SYT3: variants seen among roughly 807,000 people sequenced by gnomAD.
SYT3 encodes synaptotagmin-3.
SYT3 carries 25 observed loss-of-function variants against 50.6 expected under a neutral mutation model. The observed-to-expected ratio is 0.49, with a 90% CI of 0.36 to 0.69. SYT3 has a LOEUF of 0.69. Among genes scored for constraint, SYT3 ranks in the 30% least tolerant of loss-of-function variants. The probability of loss-of-function intolerance (pLI) is 0.00; values close to 1 mark genes in which losing one functional copy is unlikely to be tolerated. For synonymous variants in SYT3, 323 were observed against 353.9 expected (o/e 0.91, Z 0.98); for missense variants, 589 against 793.6 (o/e 0.74, Z 3.10).
chr19:50,655,927 C>G, the SYT3 span: 1 of 927,532 alleles, frequency 1.1e-6, no homozygotes, highest in Non-Finnish European at 1.7e-6. Context: ...GAGACAGTAA[C>G]TCAACATCTG....
At chr19:50,656,103 G>A in the SYT3 span, 1 of 1,536,100 alleles carries the variant, frequency 6.5e-7, no homozygotes, top group African/African-American at 1.4e-5. Context: ...TCGGAGCCTG[G>A]GCAGGCCCAT....
intron 6 of SYT3, among the ~76,000 whole-genome samples, chr19:50,626,851 CAGAG>C (rs1039226898): frequency 1.3e-5 from 2 of 151,630 alleles, no homozygotes; most frequent in African/African-American, 2.4e-5. Context: ...CATAAAGACC[CAGAG>C]AGAGTGATAG....
the SYT3 span, among the ~76,000 whole-genome samples, chr19:50,651,473 G>A: frequency 6.6e-6 from 1 of 152,096 alleles, no homozygotes; most frequent in Non-Finnish European, 1.5e-5. Flanking sequence ...AACACACATT[G>A]CCCTTTATCT....
intron 9 of SYT3, among the ~76,000 whole-genome samples, chr19:50,623,568 G>T (rs1188265893): frequency 4.8e-4 from 1 of 2,068 alleles, no homozygotes; most frequent in African/African-American, 3.3e-3. Flanking sequence ...ACTTGAGGTG[G>T]GAAGTTGAGA....
chr19:50,648,367 C>A, the SYT3 span, among the ~76,000 whole-genome samples: 4 of 152,084 alleles, frequency 2.6e-5, no homozygotes, highest in Non-Finnish European at 5.9e-5. Context: ...TAAGCAGGAA[C>A]AACAGACAGT....
chr19:50,632,445 G>T lies in SYT3; in HGVS notation c.515C>A (p.Ala172Glu). 6.2e-7 allele frequency: 1 copy of T among 1,613,372 alleles called. No homozygotes were observed. The highest frequency in any genetic ancestry group is 2.2e-5 in the East Asian group (1 of 44,868). The change falls in exon 4 of 11, where the codon GCA (alanine) becomes GAA (glutamate). Residue 172 changes from alanine (A) to glutamate (E), a missense_variant. By Grantham distance (107) the Ala-to-Glu change is moderately radical. Around this residue, in one of 2 missense-constraint regions of SYT3, gnomAD observed 316 missense variants for 354.3 expected, o/e 0.89. Coordinates refer to ENST00000600079, the MANE Select transcript of SYT3 (RefSeq NM_001160329.2). The surrounding 1 kb of genome is among the most constrained non-coding windows in gnomAD (Gnocchi z 4.7). ...TTTGACCCCAGCGGCCACTGCTGCTGCTGCAGCCTCTGGATACGAGTCCAT... is the reference window on the plus strand; with the variant it reads ...TTTGACCCCAGCGGCCACTGCTGCTTCTGCAGCCTCTGGATACGAGTCCAT... Reference protein sequence around the residue: ...LDMDSYPEAAAAAVAAGVKPS... With the variant: ...LDMDSYPEAAEAAVAAGVKPS...
chr19:50,655,944 A>G, the SYT3 span: 3 of 1,058,620 alleles, frequency 2.8e-6, no homozygotes, highest in Non-Finnish European at 4.2e-6. Flanking sequence ...TCTGGCATAC[A>G]AGCTATTCTG....
the SYT3 span, chr19:50,649,542 G>C: frequency 3.3e-6 from 5 of 1,531,640 alleles, no homozygotes; most frequent in African/African-American, 1.4e-5. Context: ...GGGAAGGGGT[G>C]GACTTCCTCC....
the SYT3 span, among the ~76,000 whole-genome samples, chr19:50,651,694 C>T: frequency 6.6e-6 from 1 of 150,956 alleles, no homozygotes; most frequent in South Asian, 2.1e-4. Context: ...CACAGTGAGA[C>T]TCTGTCACCA....
At chr19:50,654,914 C>T in the SYT3 span, among the ~76,000 whole-genome samples, 1 of 152,132 alleles carries the variant, frequency 6.6e-6, no homozygotes, top group Non-Finnish European at 1.5e-5. Flanking sequence ...GACATCTTGG[C>T]TTGGTGAGAA....
At chr19:50,645,145 G>A in the SYT3 span, among the ~76,000 whole-genome samples, 2 of 152,226 alleles carry the variant, frequency 1.3e-5, no homozygotes, top group Non-Finnish European at 2.9e-5. Context: ...CTTTTGGCCA[G>A]GGCTATGGCC....
chr19:50,647,929 G>C, the SYT3 span, among the ~76,000 whole-genome samples: 50 of 152,216 alleles, frequency 3.3e-4, no homozygotes, highest in Admixed American at 2.4e-3. Context: ...GCCAGGAGGG[G>C]GTCAGGGCCC....
chr19:50,628,129 T>C (rs1258611685), intron 6 of SYT3, among the ~76,000 whole-genome samples: 3 of 152,234 alleles, frequency 2.0e-5, no homozygotes, highest in Non-Finnish European at 4.4e-5. Context: ...TGAGGAGGTC[T>C]AGTCCTCTCC....
chr19:50,625,529 G>A lies in SYT3; in HGVS notation c.1438C>T (p.Arg480Trp), dbSNP rs755801316. The A allele has an allele frequency of 5.6e-6, 9 of 1,604,744 alleles. No homozygotes were observed. Among genetic ancestry groups the A allele is most frequent in the South Asian group, 3.3e-5 (3 of 89,720 alleles). ...GAGGTTTTCCGCTTCTTCAGACGCC[G>A]CCCCTCGCTGATCAGGGAGGCCTTC... is the stretch of plus-strand genomic sequence containing the variant. ...YVKASLISEG[R>W]RLKKRKTSIK... Residue 480 changes from arginine (R) to tryptophan (W), a missense_variant, in exon 8 of 11, where the codon CGG (arginine) becomes TGG (tryptophan). This residue lies in a region of SYT3 where 273 missense variants were observed against 439.3 expected (regional missense o/e 0.62). Coordinates refer to ENST00000600079, the MANE Select transcript of SYT3 (RefSeq NM_001160329.2). The surrounding 1 kb of genome is among the most constrained non-coding windows in gnomAD (Gnocchi z 7.5).
rs7260283 is a variant in SYT3 at position 50,625,807 on chromosome 19, A to C, written c.1402+90T>G. 10 of 165,024 alleles carry C rather than the reference A, an allele frequency of 6.1e-5. 2 individuals are homozygous for C. Among genetic ancestry groups the C allele is most frequent in the Non-Finnish European group, 9.3e-5 (7 of 74,958 alleles). 10.2% of individuals were successfully genotyped at this position (165,024 alleles called of 1,614,324 possible). ...CCAGATCCCCAGCTCCTCCTCCCTC[A>C]GACCCAGGAGTCCAGGCCCCTGGCC... On this transcript the variant is annotated intron_variant, in intron 7 of 10. Transcript: ENST00000600079. This position sits in a 1 kb window ranked among gnomAD's most constrained non-coding sequence, Gnocchi z 7.5.
upstream of SYT3, among the ~76,000 whole-genome samples, chr19:50,644,147 A>G (rs764608502): frequency 1.3e-5 from 2 of 152,244 alleles, no homozygotes; most frequent in Non-Finnish European, 2.9e-5. Context: ...TAGGCACTCA[A>G]TACTTATTGG....
upstream of SYT3, among the ~76,000 whole-genome samples, chr19:50,644,041 C>A (rs1287130835): frequency 6.6e-6 from 1 of 152,176 alleles, no homozygotes; most frequent in Non-Finnish European, 1.5e-5. Flanking sequence ...GAGTTTGGCA[C>A]CTTGAGGGCT....
In SYT3 at chr19:50,632,641, C is replaced by T. The variant is rs1347967152; in HGVS notation, c.319G>A (p.Ala107Thr). The change falls in exon 4 of 11, where the codon GCA (alanine) becomes ACA (threonine). Residue 107 changes from alanine (A) to threonine (T), a missense_variant. Physicochemically the swap from Ala to Thr is moderately conservative, Grantham distance 58 (BLOSUM62 0). Coordinates refer to ENST00000600079, the MANE Select transcript of SYT3 (RefSeq NM_001160329.2). The surrounding 1 kb of genome is among the most constrained non-coding windows in gnomAD (Gnocchi z 4.7). ...RKDLGPGVGL[A>T]GLVGGGGHHL... is the part of the protein sequence containing the mutation. ...TGCCCGCCTCCGCCTACCAGGCCTG[C>T]CAGCCCGACACCAGGGCCTAGGTCT... The T allele has an allele frequency of 6.3e-7, 1 of 1,582,732 alleles. No individual in the cohort carries two copies. Among genetic ancestry groups the T allele is most frequent in the Non-Finnish European group, 8.6e-7 (1 of 1,164,244 alleles).
At chr19:50,627,901 G>A (rs1298213326) in intron 6 of SYT3, among the ~76,000 whole-genome samples, 2 of 152,208 alleles carry the variant, frequency 1.3e-5, no homozygotes, top group Non-Finnish European at 2.9e-5. Flanking sequence ...TGATGACTGG[G>A]AGTAGGAGCT....
Sources: gnomAD v4.1 joint callset for allele counts (sites outside exome capture counted in the v4.1 genomes callset) on GRCh38, gnomAD v4.1.1 for gene constraint, gnomAD v4.1.1 regional missense constraint, Gnocchi (gnomAD v3.1) non-coding constraint, MANE v1.5 for transcripts, NCBI Gene and HGNC (gene_info 2026-07-23, HGNC 2026-07-21) for gene names.